Variants in FGF13 observed in about 807,000 individuals in gnomAD.
The protein encoded by FGF13 is fibroblast growth factor homologous factor 2.
In FGF13, 2 loss-of-function variants were observed where a neutral mutation model predicts 19.5. The observed-to-expected ratio is 0.10, with a 90% CI of 0.04 to 0.32. The LOEUF (loss-of-function observed/expected upper bound fraction) is 0.32. Among genes scored for constraint, FGF13 ranks in the 10% least tolerant of loss-of-function variants. The probability of loss-of-function intolerance (pLI) is 1.00; values close to 1 mark genes in which losing one functional copy is unlikely to be tolerated. For missense variants in FGF13, 113 were observed against 192.7 expected (o/e 0.59, Z 2.45); for synonymous variants, 72 against 76.9 (o/e 0.94, Z 0.33).
chrX:138,885,729 C>T (rs976890501), intron 1 of FGF13, among the ~76,000 whole-genome samples: 1 of 108,730 alleles, frequency 9.2e-6, no homozygotes, highest in Admixed American at 1.0e-4. Flanking sequence ...CCACCCATTA[C>T]GGCCCCTCTT....
intron 3 of FGF13, among the ~76,000 whole-genome samples, chrX:138,691,477 C>T (rs1251451619): frequency 9.0e-6 from 1 of 111,637 alleles, no homozygotes; most frequent in South Asian, 3.7e-4. Context: ...TTTCTGAAAG[C>T]TATGACTTTC....
chrX:138,641,406 G>A (rs1323686498), intron 3 of FGF13, among the ~76,000 whole-genome samples: 1 of 111,676 alleles, frequency 9.0e-6, no homozygotes, highest in Non-Finnish European at 1.9e-5. Context: ...CCAATAGCAA[G>A]GGTCACTCTT....
intron 1 of FGF13, among the ~76,000 whole-genome samples, chrX:139,061,212 G>A (rs2092335012): frequency 1.8e-5 from 2 of 111,590 alleles, no homozygotes; most frequent in Admixed American, 1.9e-4. Context: ...CTGGGTGGCT[G>A]TACTAATTTA....
intron 1 of FGF13, among the ~76,000 whole-genome samples, chrX:139,028,222 T>G (rs1042347003): frequency 8.9e-6 from 1 of 111,830 alleles, no homozygotes; most frequent in Admixed American, 9.5e-5. Context: ...AAACATATTT[T>G]TTAGTATTTG....
intron 1 of FGF13, among the ~76,000 whole-genome samples, chrX:139,047,461 C>T (rs1341779694): frequency 6.3e-5 from 7 of 110,273 alleles, no homozygotes; most frequent in Non-Finnish European, 1.3e-4. Context: ...AGGTTAGTTA[C>T]ATATGTATAC....
chrX:139,194,430 T>C (rs921033841), intron 1 of FGF13, among the ~76,000 whole-genome samples: 1 of 112,285 alleles, frequency 8.9e-6, no homozygotes, highest in Non-Finnish European at 1.9e-5. Flanking sequence ...TAATAAAACA[T>C]AAGCAATATA....
At position 138,747,916 on chromosome X, in the gene FGF13, C is replaced by T. The variant is rs193126472; in HGVS notation, c.218-38988G>A. 3.6e-5 allele frequency among the ~76,000 whole-genome samples: 4 copies of T among 110,715 alleles called. No homozygotes were observed. The East Asian group carries it at 8.6e-4, about 24-fold the overall frequency. On this transcript the variant is annotated intron_variant, in intron 3 of 6. Transcript: ENST00000436198. ...TAAAATTAAAGTCCTTGAAGACGTC[C>T]GCTTGACCTGGAGAGAATGGAGCTT...
At chrX:138,901,207 G>A (rs952108688) in intron 1 of FGF13, among the ~76,000 whole-genome samples, 1 of 111,981 alleles carries the variant, frequency 8.9e-6, no homozygotes, top group African/African-American at 3.2e-5. Flanking sequence ...GTGCTAAAAG[G>A]CATGCTAGAA....
At chrX:138,658,065 A>G (rs2089454429) in intron 3 of FGF13, among the ~76,000 whole-genome samples, 1 of 112,207 alleles carries the variant, frequency 8.9e-6, no homozygotes. Context: ...CTTCCATTGT[A>G]ATGGCAGAAC....
At chrX:138,857,311 C>T (rs894882853), downstream of FGF13, among the ~76,000 whole-genome samples, 4 of 111,299 alleles carry the variant, frequency 3.6e-5, no homozygotes, top group African/African-American at 1.3e-4. Flanking sequence ...TGACGCTGTG[C>T]GCTGTGCCAG....
chrX:138,877,354 C>T (rs1041975814), intron 1 of FGF13, among the ~76,000 whole-genome samples: 1 of 111,528 alleles, frequency 9.0e-6, no homozygotes. Context: ...GAGAAAAAGA[C>T]GTGAAAACAC....
Position 139,024,129 on chromosome X carries a change from T to C in FGF13, c.-112-159479A>G, listed in dbSNP as rs150249383. Reference sequence around the variant, plus strand: ...CAGGGGCAGTGAACCTACAGACAACTAGCAGGTGCATGGAAAGCAGGAATC... The same window carrying C: ...CAGGGGCAGTGAACCTACAGACAACCAGCAGGTGCATGGAAAGCAGGAATC... On this transcript the variant is annotated intron_variant, in intron 1 of 2. Coordinates refer to the FGF13 transcript ENST00000421460. Among the ~76,000 whole-genome samples, 1,034 of 110,808 alleles carry C rather than the reference T, an allele frequency of 9.3e-3. 10 individuals are homozygous for C. Among genetic ancestry groups the C allele is most frequent in the African/African-American group, 0.032 (961 of 30,492 alleles).
intron 1 of FGF13, among the ~76,000 whole-genome samples, chrX:139,110,019 T>A (rs918584419): frequency 9.0e-6 from 1 of 111,554 alleles, no homozygotes; most frequent in Non-Finnish European, 1.9e-5. Context: ...ATGCTTACAA[T>A]CTGTGCAGGT....
intron 1 of FGF13, among the ~76,000 whole-genome samples, chrX:139,034,139 C>G (rs1243199970): frequency 8.9e-6 from 1 of 111,865 alleles, no homozygotes; most frequent in Non-Finnish European, 1.9e-5. Context: ...TGAGTACTTA[C>G]TCTGTCCCAG....
intron 1 of FGF13, among the ~76,000 whole-genome samples, chrX:139,119,484 T>C (rs1369545299): frequency 8.9e-6 from 1 of 111,806 alleles, no homozygotes; most frequent in Non-Finnish European, 1.9e-5. Flanking sequence ...CACAGCGAAG[T>C]GACATAAGTT....
At chrX:138,708,420 A>C (rs745530953) in intron 2 of FGF13, among the ~76,000 whole-genome samples, 1 of 112,002 alleles carries the variant, frequency 8.9e-6, no homozygotes, top group East Asian at 2.8e-4. Flanking sequence ...TGTAATGATG[A>C]ATTTTCATGG....
chrX:138,709,976 A>G (rs181278481), intron 1 of FGF13, among the ~76,000 whole-genome samples: 8 of 111,477 alleles, frequency 7.2e-5, no homozygotes, highest in African/African-American at 2.6e-4. Context: ...ATCTAGTAAA[A>G]GGCAGAAAAG....
chrX:138,846,384 G>C (rs996053312), intron 3 of FGF13, among the ~76,000 whole-genome samples: 5 of 111,550 alleles, frequency 4.5e-5, no homozygotes, highest in African/African-American at 1.6e-4. Flanking sequence ...CCCCATTGAA[G>C]TCCTCTGTGA....
At chrX:139,128,482 G>A (rs2083734817) in intron 1 of FGF13, among the ~76,000 whole-genome samples, 1 of 111,901 alleles carries the variant, frequency 8.9e-6, no homozygotes, top group African/African-American at 3.2e-5. Context: ...CCTGTCTGGG[G>A]TGCCTGCTGT....
Sources: allele counts gnomAD v4.1 joint callset (sites outside exome capture counted in the v4.1 genomes callset), GRCh38; gene constraint gnomAD v4.1.1; transcripts MANE v1.5; gene names NCBI Gene and HGNC (gene_info 2026-07-23, HGNC 2026-07-21).